The following LRMDA variants were observed in gnomAD, a reference collection of about 807,000 sequenced individuals.
LRMDA encodes the protein leucine-rich melanocyte differentiation-associated protein.
A neutral mutation model predicts 29.8 loss-of-function variants in LRMDA; 18 were observed. The observed-to-expected ratio is 0.60, with a 90% CI of 0.42 to 0.90. The LOEUF (loss-of-function observed/expected upper bound fraction) is 0.90, where lower values mean the gene tolerates loss of function less well. Among genes scored for constraint, LRMDA ranks in the 40% least tolerant of loss-of-function variants. LRMDA has a pLI of 0.00. For missense variants in LRMDA, 273 were observed against 273.9 expected (o/e 1.00, Z 0.02); for synonymous variants, 125 against 109.4 (o/e 1.14, Z -0.89).
At chr10:76,125,754 G>A (rs1849870784) in intron 5 of LRMDA, among the ~76,000 whole-genome samples, 1 of 152,206 alleles carries the variant, frequency 6.6e-6, no homozygotes, top group East Asian at 1.9e-4. Context: ...AGAGCTTCAA[G>A]CAAGCCATCC....
At chr10:76,453,857 A>T (rs1348499001) in intron 6 of LRMDA, among the ~76,000 whole-genome samples, 1 of 152,266 alleles carries the variant, frequency 6.6e-6, no homozygotes, top group African/African-American at 2.4e-5. Flanking sequence ...AAAGATAAAA[A>T]TATAGTGTTT....
At chr10:75,791,928 C>G (rs942873867) in intron 2 of LRMDA, among the ~76,000 whole-genome samples, 3 of 136,892 alleles carry the variant, frequency 2.2e-5, no homozygotes, top group Non-Finnish European at 4.6e-5. Context: ...GGTGCTATCT[C>G]GGCTCACTGC....
rs1842896837 is a variant in LRMDA, at chr10:76,499,430, T to C, written c.602-57779T>C. Among the ~76,000 whole-genome samples the C allele has an allele frequency of 2.6e-5, 2 of 75,862 alleles. 1 individual carries two copies. The highest frequency in any genetic ancestry group is 6.4e-5 in the African/African-American group (2 of 31,190). The allele number at this position is 75,862 out of a possible 152,430, so 49.8% of individuals were successfully genotyped here. ...ATAGCCCATGTCAGTACTTCAGTTC[T>C]TTTTAGAGATGAATAATATTCTATT... On this transcript the variant is annotated intron_variant, in intron 6 of 6. Coordinates refer to ENST00000611255, the MANE Select transcript of LRMDA (RefSeq NM_001305581.2).
At chr10:76,327,508 C>G (rs1054458636) in intron 6 of LRMDA, among the ~76,000 whole-genome samples, 1 of 152,216 alleles carries the variant, frequency 6.6e-6, no homozygotes, top group Non-Finnish European at 1.5e-5. Flanking sequence ...CCAGTGTTCC[C>G]TGTTCAGGGA....
intron 2 of LRMDA, among the ~76,000 whole-genome samples, chr10:75,738,026 T>TA (rs1842786599): frequency 6.6e-6 from 1 of 152,226 alleles, no homozygotes; most frequent in Admixed American, 6.5e-5. Flanking sequence ...TGGCCATTTT[T>TA]ACAAGCTGTC....
At chr10:75,457,870 T>C (rs1365906543) in intron 2 of LRMDA, among the ~76,000 whole-genome samples, 1 of 151,066 alleles carries the variant, frequency 6.6e-6, no homozygotes, top group Non-Finnish European at 1.5e-5. Flanking sequence ...ATAACTCTAA[T>C]GCATTACTGC....
chr10:75,797,552 A>T (rs973280372), intron 2 of LRMDA, among the ~76,000 whole-genome samples: 1 of 152,184 alleles, frequency 6.6e-6, no homozygotes, highest in East Asian at 1.9e-4. Flanking sequence ...GTCACTCTCT[A>T]TTCCTACCCC....
intron 2 of LRMDA, among the ~76,000 whole-genome samples, chr10:75,539,554 G>A (rs1589174591): frequency 6.6e-6 from 1 of 152,114 alleles, no homozygotes; most frequent in Admixed American, 6.6e-5. Context: ...TAAATATTAA[G>A]TTATGGGGGA....
intron 5 of LRMDA, among the ~76,000 whole-genome samples, chr10:76,083,702 C>T (rs1338057690): frequency 3.3e-5 from 5 of 152,022 alleles, no homozygotes; most frequent in African/African-American, 9.7e-5. Flanking sequence ...GATGTGGTGG[C>T]GTGAGCCTGT....
At chr10:75,821,598 T>A (rs550135616) in intron 2 of LRMDA, among the ~76,000 whole-genome samples, 1 of 152,164 alleles carries the variant, frequency 6.6e-6, no homozygotes, top group East Asian at 1.9e-4. Flanking sequence ...TGAAACCCTA[T>A]CTGTACTAAA....
At chr10:76,539,201 A>C (rs1393894913) in intron 6 of LRMDA, among the ~76,000 whole-genome samples, 1 of 152,206 alleles carries the variant, frequency 6.6e-6, no homozygotes, top group Non-Finnish European at 1.5e-5. Context: ...ACCCCAAGGA[A>C]GGCAAGGAAG....
chr10:75,923,357 G>T (rs1846058379), intron 2 of LRMDA, among the ~76,000 whole-genome samples: 1 of 152,164 alleles, frequency 6.6e-6, no homozygotes, highest in South Asian at 2.1e-4. Flanking sequence ...GCCTCTAATG[G>T]CATAATTCTG....
intron 4 of LRMDA, among the ~76,000 whole-genome samples, chr10:76,052,941 G>C (rs748121796): frequency 6.6e-6 from 1 of 152,034 alleles, no homozygotes; most frequent in Admixed American, 6.5e-5. Flanking sequence ...AACTTAGACC[G>C]ATCTCTTTTC....
chr10:75,732,785 G>A (rs1040256982), intron 2 of LRMDA, among the ~76,000 whole-genome samples: 1 of 152,158 alleles, frequency 6.6e-6, no homozygotes, highest in Non-Finnish European at 1.5e-5. Flanking sequence ...ATAGAGTTCT[G>A]GATACCCACA....
At chr10:75,824,600 A>G (rs1202941684) in intron 2 of LRMDA, among the ~76,000 whole-genome samples, 3 of 152,202 alleles carry the variant, frequency 2.0e-5, no homozygotes, top group Non-Finnish European at 1.5e-5. Context: ...CTCTTAGGTA[A>G]GGAAGAGAGA....
chr10:76,018,567 GTTT>G (rs765340066), intron 2 of LRMDA, among the ~76,000 whole-genome samples: 1 of 131,952 alleles, frequency 7.6e-6, no homozygotes, highest in Admixed American at 7.8e-5. Context: ...GGCTTCTGAA[GTTT>G]TTTTTTTTTT....
chr10:75,700,561 T>G (rs369411164), intron 2 of LRMDA, among the ~76,000 whole-genome samples: 4 of 152,128 alleles, frequency 2.6e-5, no homozygotes, highest in African/African-American at 9.6e-5. Context: ...TTAGCCTTCC[T>G]TTCTCATTCT....
At chr10:76,040,423 C>A (rs1397794119) in intron 3 of LRMDA, among the ~76,000 whole-genome samples, 2 of 152,146 alleles carry the variant, frequency 1.3e-5, no homozygotes, top group Non-Finnish European at 2.9e-5. Context: ...TGTTGATATC[C>A]TGCTCTGGTA....
intron 5 of LRMDA, among the ~76,000 whole-genome samples, chr10:76,238,827 A>G (rs920525046): frequency 6.6e-6 from 1 of 151,798 alleles, no homozygotes; most frequent in African/African-American, 2.4e-5. Flanking sequence ...CACATATCCC[A>G]TAAAGAAGAG....
Sources: allele counts gnomAD v4.1 joint callset (sites outside exome capture counted in the v4.1 genomes callset), GRCh38; gene constraint gnomAD v4.1.1; transcripts MANE v1.5; gene names NCBI Gene and HGNC (gene_info 2026-07-23, HGNC 2026-07-21).